TTC7B: variants seen among roughly 807,000 people sequenced by gnomAD.
The protein encoded by TTC7B is tetratricopeptide repeat protein 7B.
Under a neutral mutation model 106.8 loss-of-function variants are expected in TTC7B, and 28 were observed. That is an observed-to-expected ratio of 0.26 (90% CI 0.19 to 0.36). The LOEUF is 0.36. Among genes scored for constraint, TTC7B ranks in the 10% least tolerant of loss-of-function variants. The pLI is 1.00. For missense variants in TTC7B, 862 were observed against 1,076.4 expected (o/e 0.80, Z 2.79); for synonymous variants, 405 against 430.6 (o/e 0.94, Z 0.74).
chr14:90,618,354 C>A (rs1037360291), intron 15 of TTC7B, among the ~76,000 whole-genome samples: 1 of 152,238 alleles, frequency 6.6e-6, no homozygotes, highest in African/African-American at 2.4e-5. Flanking sequence ...TAGAACCAAA[C>A]CAATTTATTT....
chr14:90,771,786 G>A (rs920638434), intron 3 of TTC7B, among the ~76,000 whole-genome samples: 5 of 151,136 alleles, frequency 3.3e-5, no homozygotes, highest in East Asian at 1.9e-4. Context: ...CATATAATGC[G>A]TGTGTGTGCA....
chr14:90,662,423 C>T (rs531999881), intron 9 of TTC7B, among the ~76,000 whole-genome samples: 3 of 152,290 alleles, frequency 2.0e-5, no homozygotes, highest in East Asian at 1.9e-4. Context: ...TTAACAAGTC[C>T]GGTTCCGTCA....
At chr14:90,606,672 A>G (rs1384249501) in intron 17 of TTC7B, among the ~76,000 whole-genome samples, 2 of 152,206 alleles carry the variant, frequency 1.3e-5, no homozygotes, top group African/African-American at 4.8e-5. Context: ...AGGGACGCCC[A>G]AGGTGATACC....
intron 3 of TTC7B, among the ~76,000 whole-genome samples, chr14:90,768,184 T>C (rs981078427): frequency 6.6e-6 from 1 of 152,204 alleles, no homozygotes; most frequent in Non-Finnish European, 1.5e-5. Flanking sequence ...AACAGACTCT[T>C]AACCAATGTA....
At chr14:90,815,966 C>A (rs2031153467) in intron 1 of TTC7B, among the ~76,000 whole-genome samples, 1 of 151,686 alleles carries the variant, frequency 6.6e-6, no homozygotes, top group Non-Finnish European at 1.5e-5. Flanking sequence ...GGGACAGCCC[C>A]TGGCGCCCCC....
At chr14:90,593,849 C>T (rs1892088509) in intron 17 of TTC7B, 1 of 410,710 alleles carries the variant, frequency 2.4e-6, no homozygotes, top group Non-Finnish European at 4.3e-6. Context: ...CACATGCCCC[C>T]TCCAGGAGCT....
intron 4 of TTC7B, among the ~76,000 whole-genome samples, chr14:90,744,250 C>A (rs1889875970): frequency 6.6e-6 from 1 of 152,228 alleles, no homozygotes; most frequent in Admixed American, 6.5e-5. Context: ...TGCACACTGT[C>A]ATTTCTGCTC....
At position 90,525,019 on chromosome 14, in the gene TTC7B, G is replaced by A. The variant is rs905014863; in HGVS notation, c.*16349C>T. The A allele has an allele frequency of 4.6e-5, 7 of 152,038 alleles. No individual in the cohort carries two copies. The highest frequency in any genetic ancestry group is 1.7e-4 in the African/African-American group (7 of 41,388). 9.4% of individuals were successfully genotyped at this position (152,038 alleles called of 1,614,324 possible). On this transcript the variant is annotated 3_prime_UTR_variant, in exon 20 of 20. Coordinates refer to ENST00000328459, the MANE Select transcript of TTC7B (RefSeq NM_001010854.2). Reference sequence around the variant, plus strand: ...ATTTGTATCTATCCATGAAGCCATCGCCACTATTAAGAGAGGGATCATATC... The same window carrying A: ...ATTTGTATCTATCCATGAAGCCATCACCACTATTAAGAGAGGGATCATATC...
Position 90,536,299 on chromosome 14 carries a change from C to T in TTC7B, c.*5069G>A, listed in dbSNP as rs1889418569. On this transcript the variant is annotated 3_prime_UTR_variant, in exon 20 of 20. Coordinates refer to ENST00000328459, the MANE Select transcript of TTC7B (RefSeq NM_001010854.2). ...GCCAGCCCCGGAGCTCAGCCCTGAC[C>T]TCTTCCTCTTTGTCTATGCTTGTCC... The T allele has an allele frequency of 6.5e-6, 1 of 154,346 alleles. No individual in the cohort carries two copies. Among genetic ancestry groups the T allele is most frequent in the Admixed American group, 6.5e-5 (1 of 15,292 alleles). The allele number at this position is 154,346 out of a possible 1,614,324, so 9.6% of individuals were successfully genotyped here.
chr14:90,543,644 T>A (rs915659221), intron 19 of TTC7B, among the ~76,000 whole-genome samples: 2 of 152,232 alleles, frequency 1.3e-5, no homozygotes, highest in African/African-American at 4.8e-5. Context: ...CTTCATTCCC[T>A]TTAGAAGTCA....
chr14:90,682,367 G>A (rs1887086535), intron 7 of TTC7B, among the ~76,000 whole-genome samples: 1 of 152,200 alleles, frequency 6.6e-6, no homozygotes. Flanking sequence ...GGCAGGCAAG[G>A]TGGGTACTCA....
At chr14:90,623,672 G>A (rs755907725) in intron 15 of TTC7B, among the ~76,000 whole-genome samples, 3 of 152,218 alleles carry the variant, frequency 2.0e-5, no homozygotes, top group Admixed American at 1.3e-4. Context: ...GTGAGCAGGC[G>A]TTTGGGCTAC....
intron 16 of TTC7B, among the ~76,000 whole-genome samples, chr14:90,616,496 G>A (rs1893080087): frequency 6.6e-6 from 1 of 151,906 alleles, no homozygotes; most frequent in Non-Finnish European, 1.5e-5. Flanking sequence ...TGCTTGGGAA[G>A]GGGACTTCCA....
rs1038366625 is a variant in TTC7B at position 90,658,286 on chromosome 14, A to G, written c.1236+18T>C. 7.4e-6 allele frequency: 12 copies of G among 1,612,408 alleles called. No individual in the cohort carries two copies. The highest frequency in any genetic ancestry group is 2.7e-5 in the African/African-American group (2 of 74,902). ...ATAGGAAAGGCATAAAAAACTGCCC[A>G]TCACAAAAGGGACTCACTTTTCCAG... is the stretch of plus-strand genomic sequence containing the variant. On this transcript the variant is annotated intron_variant, in intron 10 of 19. Coordinates refer to ENST00000328459, the MANE Select transcript of TTC7B (RefSeq NM_001010854.2).
intron 17 of TTC7B, among the ~76,000 whole-genome samples, chr14:90,610,289 C>T (rs967985299): frequency 2.0e-5 from 3 of 152,176 alleles, no homozygotes; most frequent in African/African-American, 7.2e-5. Context: ...GGAAGTGCCT[C>T]GGGCTTCCAC....
chr14:90,555,317 G>A (rs1890256509), intron 19 of TTC7B, among the ~76,000 whole-genome samples: 1 of 152,206 alleles, frequency 6.6e-6, no homozygotes, highest in African/African-American at 2.4e-5. Flanking sequence ...GCCTGGCACT[G>A]CAGGCCCTTC....
chr14:90,705,259 ATCT>A (rs1182641181), intron 5 of TTC7B, among the ~76,000 whole-genome samples: 2 of 152,180 alleles, frequency 1.3e-5, no homozygotes, highest in South Asian at 2.1e-4. Flanking sequence ...GTCAGCCATC[ATCT>A]TCTTCTGAGA....
intron 1 of TTC7B, among the ~76,000 whole-genome samples, chr14:90,792,688 AC>A (rs765401375): frequency 3.2e-4 from 49 of 152,002 alleles, no homozygotes; most frequent in Admixed American, 1.1e-3. Flanking sequence ...CCCTCACGAC[AC>A]CCCAGTCTCT....
intron 15 of TTC7B, among the ~76,000 whole-genome samples, chr14:90,636,512 A>G (rs1372687246): frequency 6.6e-6 from 1 of 151,872 alleles, no homozygotes; most frequent in Non-Finnish European, 1.5e-5. Flanking sequence ...AAAGTAGAAA[A>G]AACCTCTATA....
Sources: allele counts gnomAD v4.1 joint callset (sites outside exome capture counted in the v4.1 genomes callset), GRCh38; gene constraint gnomAD v4.1.1; transcripts MANE v1.5; gene names NCBI Gene and HGNC (gene_info 2026-07-23, HGNC 2026-07-21).